Variants in CXADR observed in about 807,000 individuals in gnomAD.
CXADR encodes the protein coxsackievirus and adenovirus receptor.
In CXADR, 20 loss-of-function variants were observed where a neutral mutation model predicts 40.3. That is an observed-to-expected ratio of 0.50 (90% CI 0.35 to 0.72). The LOEUF is 0.72. Ranked by LOEUF, CXADR falls within the 30% of genes least tolerant of loss-of-function variation. CXADR has a pLI of 0.01. For synonymous variants in CXADR, 150 were observed against 161.3 expected (o/e 0.93, Z 0.53); for missense variants, 332 against 449.1 (o/e 0.74, Z 2.36).
At chr21:17,614,277 ATAGC>A in the CXADR span, among the ~76,000 whole-genome samples, 2 of 152,224 alleles carry the variant, frequency 1.3e-5, no homozygotes, top group Non-Finnish European at 1.5e-5. Context: ...GTTTCATAAA[ATAGC>A]TAGGTAACCA....
At chr21:17,612,384 G>A in the CXADR span, 1 of 152,384 alleles carries the variant, frequency 6.6e-6, no homozygotes, top group African/African-American at 2.4e-5. Context: ...GGGAAGCCGC[G>A]GGGTTGTCGC....
chr21:17,566,625 T>A lies in CXADR; in HGVS notation c.*933T>A, dbSNP rs543987458. ...TTATAGATTGAAATTTCCTAATTTA[T>A]TCTAAATTTTAAGTGGTTCTTTGGT... is the stretch of plus-strand genomic sequence containing the variant. On this transcript the variant is annotated 3_prime_UTR_variant, in exon 7 of 7. Coordinates refer to ENST00000284878, the MANE Select transcript of CXADR (RefSeq NM_001338.5). 1 of 984,368 alleles carries A rather than the reference T, an allele frequency of 1.0e-6. No homozygotes were observed. Among genetic ancestry groups the A allele is most frequent in the South Asian group, 4.7e-5 (1 of 21,256 alleles). 61.0% of individuals were successfully genotyped at this position (984,368 alleles called of 1,614,324 possible). A position where few individuals can be genotyped will look rare whatever the true frequency, so the allele number is the denominator to read the frequency against.
chr21:17,597,523 GTC>G (rs2061520024), downstream of CXADR, among the ~76,000 whole-genome samples: 1 of 151,956 alleles, frequency 6.6e-6, no homozygotes, highest in Non-Finnish European at 1.5e-5. Context: ...GGTAATGAAT[GTC>G]TCTGTGGAAA....
chr21:17,599,039 A>T, the CXADR span: 1 of 425,230 alleles, frequency 2.4e-6, no homozygotes. Context: ...ATTCATAAAC[A>T]TAACCCCATT....
downstream of CXADR, among the ~76,000 whole-genome samples, chr21:17,573,768 G>C (rs1007796003): frequency 1.3e-5 from 2 of 152,174 alleles, no homozygotes; most frequent in African/African-American, 4.8e-5. Flanking sequence ...AATTAGCTGG[G>C]TGGTGGCACA....
In CXADR at chr21:17,513,061, C is replaced by T; in HGVS notation, c.-69C>T. The T allele has an allele frequency of 2.3e-6, 3 of 1,299,264 alleles. No homozygotes were observed. The highest frequency in any genetic ancestry group is 2.3e-5 in the South Asian group (1 of 43,022). The allele number at this position is 1,299,264 out of a possible 1,614,324, so 80.5% of individuals were successfully genotyped here. ...GCGAGCCAGTCGGGAGCGCGCGAGG[C>T]GCGGGGAGCCTGGGACCAGGAGCGA... is the stretch of plus-strand genomic sequence containing the variant. On this transcript the variant is annotated 5_prime_UTR_variant, in exon 1 of 7. Transcript: ENST00000284878.
Position 17,553,186 on chromosome 21 carries a change from G to C in CXADR, c.415+1233G>C, listed in dbSNP as rs147400082. 1.9e-3 allele frequency among the ~76,000 whole-genome samples: 294 copies of C among 152,294 alleles called. 2 individuals are homozygous for C. Among genetic ancestry groups the C allele is most frequent in the African/African-American group, 6.8e-3 (283 of 41,558 alleles). On this transcript the variant is annotated intron_variant, in intron 3 of 6. Transcript: ENST00000284878. ...GATCCACCCACCTCGGCCACCCAGA[G>C]TGCTGAGATTACAAGAATACTCTTT...
downstream of CXADR, among the ~76,000 whole-genome samples, chr21:17,572,272 G>GA (rs2061283948): frequency 0.025 from 2 of 80 alleles, no homozygotes; most frequent in African/African-American, 0.083. Context: ...CTGGGAGGCT[G>GA]AATGGGATGA....
At chr21:17,544,542 C>T (rs549588435) in intron 1 of CXADR, among the ~76,000 whole-genome samples, 206 of 106,996 alleles carry the variant, frequency 1.9e-3, no homozygotes, top group Non-Finnish European at 3.4e-3. Flanking sequence ...CTGGTCTAGA[C>T]TAGGGCTGAG....
the CXADR span, among the ~76,000 whole-genome samples, chr21:17,626,429 A>G: frequency 2.0e-5 from 3 of 152,188 alleles, no homozygotes; most frequent in African/African-American, 7.2e-5. Context: ...TTACTCAATC[A>G]GAATTAGAAG....
chr21:17,558,692 CT>C (rs1309789800), intron 3 of CXADR, among the ~76,000 whole-genome samples: 1 of 152,126 alleles, frequency 6.6e-6, no homozygotes, highest in Non-Finnish European at 1.5e-5. Flanking sequence ...ATCATTCTTG[CT>C]TTTTTTCAGG....
chr21:17,577,777 T>C (rs1325466041), intron 7 of CXADR, among the ~76,000 whole-genome samples: 2 of 152,058 alleles, frequency 1.3e-5, no homozygotes, highest in African/African-American at 4.8e-5. Context: ...ATTAAAACTT[T>C]TTACCTGTTG....
chr21:17,534,081 CATAT>C (rs1166831925), intron 1 of CXADR, among the ~76,000 whole-genome samples: 693 of 48,354 alleles, frequency 0.014, 16 homozygotes, highest in African/African-American at 0.027. Flanking sequence ...CACACACACA[CATAT>C]ATATATATAT....
downstream of CXADR, chr21:17,593,760 ATAAAG>A (rs143261518): frequency 6.1e-4 from 128 of 211,518 alleles, 1 homozygote; most frequent in East Asian, 9.9e-3. Context: ...CATACGCTCC[ATAAAG>A]TAAATTCTCA....
At chr21:17,580,765 T>A (rs2061354651) in intron 7 of CXADR, among the ~76,000 whole-genome samples, 1 of 152,176 alleles carries the variant, frequency 6.6e-6, no homozygotes, top group African/African-American at 2.4e-5. Flanking sequence ...AATGTTTCTT[T>A]TTTGAGACAG....
At chr21:17,541,341 A>G (rs186775324) in intron 1 of CXADR, among the ~76,000 whole-genome samples, 1 of 152,176 alleles carries the variant, frequency 6.6e-6, no homozygotes, top group African/African-American at 2.4e-5. Flanking sequence ...TCACGAGGTC[A>G]GGAGATCAAG....
the CXADR span, among the ~76,000 whole-genome samples, chr21:17,618,828 C>G: frequency 2.0e-5 from 3 of 152,154 alleles, no homozygotes; most frequent in Non-Finnish European, 4.4e-5. Flanking sequence ...AGCCACCACT[C>G]CTGGCCATGA....
chr21:17,624,831 G>A, the CXADR span, among the ~76,000 whole-genome samples: 3 of 152,018 alleles, frequency 2.0e-5, no homozygotes, highest in Non-Finnish European at 4.4e-5. Flanking sequence ...CTGGAATATT[G>A]TTCCCCCGGT....
At chr21:17,545,406 A>G (rs2060883437) in intron 1 of CXADR, among the ~76,000 whole-genome samples, 2 of 152,132 alleles carry the variant, frequency 1.3e-5, no homozygotes, top group Non-Finnish European at 2.9e-5. Context: ...GTGATTGTTC[A>G]CTTACAGACT....
Sources: allele counts gnomAD v4.1 joint callset (sites outside exome capture counted in the v4.1 genomes callset), GRCh38; gene constraint gnomAD v4.1.1; transcripts MANE v1.5; gene names NCBI Gene and HGNC (gene_info 2026-07-23, HGNC 2026-07-21).